The following COX8A variants were observed in gnomAD, a reference collection of about 807,000 sequenced individuals.
COX8A encodes the protein cytochrome c oxidase subunit 8A.
Under a neutral mutation model 4.4 loss-of-function variants are expected in COX8A, and 6 were observed. The ratio of observed to expected loss-of-function variants is 1.36; its 90% CI spans 0.74 to 2.68. The LOEUF is 2.68. Ranked by LOEUF, COX8A falls within the 30% of genes most tolerant of loss-of-function variation. COX8A has a pLI of 0.00. For missense variants in COX8A, 72 were observed against 89.6 expected, an observed-to-expected ratio of 0.80 and a Z score of 0.79; for synonymous variants, 53 against 47.1, an observed-to-expected ratio of 1.12 and a Z score of -0.51.
Position 63,974,784 on chromosome 11 carries a change from T to C in COX8A, c.104T>C (p.Leu35Pro). 1 of 1,604,850 alleles carries C rather than the reference T, an allele frequency of 6.2e-7. No individual in the cohort carries two copies. Among genetic ancestry groups the C allele is most frequent in the Non-Finnish European group, 8.5e-7 (1 of 1,175,556 alleles). Residue 35 changes from leucine (L) to proline (P), a missense_variant, in exon 1 of 2, where the codon CTT becomes CCT. Physicochemically the swap from Leu to Pro is moderately conservative, Grantham distance 98 (BLOSUM62 -3). Transcript: ENST00000314133. ...CATTCGTTGCCGCCGGAGGGGAAGC[T>C]TGGGATCATGGTGAGGAACGGGCCT... ...KIHSLPPEGK[L>P]GIMELAVGLT...
intron 1 of COX8A, 132 bp from the exon 2 acceptor site, chr11:63,976,091 GAT>G (rs1397808526): frequency 2.6e-6 from 2 of 782,496 alleles, no homozygotes; most frequent in African/African-American, 3.4e-5. Context: ...TTAACGTGAG[GAT>G]GCGGGGCCTC....
chr11:63,974,661 G>T lies in COX8A; in HGVS notation c.-20G>T, dbSNP rs779713502. The stretch of plus-strand genomic sequence containing the variant: ...CTTGGGCTACGGCTGACCGTTTTTT[G>T]TGGTGTACTCCGTGCCATCATGTCC... On this transcript the variant is annotated 5_prime_UTR_variant, in exon 1 of 2. Transcript: ENST00000314133. 7.5e-6 allele frequency: 12 copies of T among 1,589,702 alleles called. No individual in the cohort carries two copies. The highest frequency in any genetic ancestry group is 1.0e-5 in the Non-Finnish European group (12 of 1,166,992).
intron 1 of COX8A, among the ~76,000 whole-genome samples, chr11:63,975,540 A>G (rs898811786): frequency 6.6e-6 from 1 of 151,568 alleles, no homozygotes; most frequent in Non-Finnish European, 1.5e-5. Flanking sequence ...CCATGCAAGG[A>G]TCCTGGGTCT....
In COX8A at chr11:63,974,920, G is replaced by T. The variant is rs1942525775; in HGVS notation, c.114+126G>T. 1.2e-5 allele frequency: 11 copies of T among 899,456 alleles called. No individual in the cohort carries two copies. In the South Asian group the frequency reaches 2.0e-4, roughly 16 times the overall value. The allele number at this position is 899,456 out of a possible 1,614,324, so 55.7% of individuals were successfully genotyped here. The stretch of plus-strand genomic sequence containing the variant: ...TAGCGGGGAGCAGCAGTGCCGGTTT[G>T]GGCATGTCTGGAGGGCGCGAACGAC... On this transcript the variant is annotated intron_variant, in intron 1 of 1. Transcript: ENST00000314133.
chr11:63,976,351 C>A lies in COX8A; in HGVS notation c.*31C>A, dbSNP rs765225340. 8 of 1,596,070 alleles carry A rather than the reference C, an allele frequency of 5.0e-6. No homozygotes were observed. In the East Asian group the frequency reaches 1.8e-4, roughly 36 times the overall value. On this transcript the variant is annotated 3_prime_UTR_variant, in exon 2 of 2. Coordinates refer to ENST00000314133, the MANE Select transcript of COX8A (RefSeq NM_004074.3). The stretch of plus-strand genomic sequence containing the variant: ...TCCGTTCTGTCCCTCACACTGTGAC[C>A]TGACCAGCCCCACCGGCCCATCCTG...
In COX8A at chr11:63,976,468, A is replaced by C. The variant is rs1026184221; in HGVS notation, c.*148A>C. On this transcript the variant is annotated 3_prime_UTR_variant, in exon 2 of 2. Transcript: ENST00000314133. ...GCAATCATGACCTCTTGATGTCTCCATGGTGACCTCCTTGGGGGTCACTGA... is the reference window on the plus strand; with the variant it reads ...GCAATCATGACCTCTTGATGTCTCCCTGGTGACCTCCTTGGGGGTCACTGA... The C allele has an allele frequency of 1.4e-6, 1 of 704,718 alleles. No homozygotes were observed. Among genetic ancestry groups the C allele is most frequent in the Non-Finnish European group, 2.4e-6 (1 of 408,390 alleles). 43.7% of individuals were successfully genotyped at this position (704,718 alleles called of 1,614,324 possible). A position where few individuals can be genotyped will look rare whatever the true frequency, so the allele number is the denominator to read the frequency against.
At chr11:63,975,610 C>CG (rs1942533497) in intron 1 of COX8A, among the ~76,000 whole-genome samples, 1 of 150,484 alleles carries the variant, frequency 6.6e-6, no homozygotes, top group African/African-American at 2.4e-5. Flanking sequence ...GAGTCTTGCT[C>CG]TGTCACCCAG....
chr11:63,975,576 T>G (rs1485784509), intron 1 of COX8A, among the ~76,000 whole-genome samples: 2 of 151,284 alleles, frequency 1.3e-5, no homozygotes, highest in Admixed American at 1.3e-4. Flanking sequence ...GCTTTTTTTG[T>G]TTGTTGTTTG....
chr11:63,976,133 G>A, intron 1 of COX8A, 92 bp from the exon 2 acceptor site: 2 of 1,221,536 alleles, frequency 1.6e-6, no homozygotes, highest in Non-Finnish European at 2.4e-6. Context: ...GGCTCCCTGA[G>A]CGGGGCTTTC....
chr11:63,975,016 T>C (rs1209730372), intron 1 of COX8A, among the ~76,000 whole-genome samples: 2 of 152,088 alleles, frequency 1.3e-5, no homozygotes, highest in African/African-American at 4.8e-5. Context: ...GGATCTCGGG[T>C]CTGGTCCTGT....
Position 63,974,768 on chromosome 11 carries a change from C to A in COX8A, c.88C>A (p.Pro30Thr). The change falls in exon 1 of 2, where the codon CCG (proline) becomes ACG (threonine). Residue 30 changes from proline (P) to threonine (T), a missense_variant. Transcript: ENST00000314133. ...PVPRAKIHSLPPEGKLGIMEL... is the reference protein window; with the variant it reads ...PVPRAKIHSLTPEGKLGIMEL... ...GCCGCGCGCCAAGATCCATTCGTTG[C>A]CGCCGGAGGGGAAGCTTGGGATCAT... 1 of 1,607,738 alleles carries A rather than the reference C, an allele frequency of 6.2e-7. No homozygotes were observed. The highest frequency in any genetic ancestry group is 8.5e-7 in the Non-Finnish European group (1 of 1,177,274).
In COX8A at chr11:63,974,647, G is replaced by C; in HGVS notation, c.-34G>C. On this transcript the variant is annotated 5_prime_UTR_variant, in exon 1 of 2. Transcript: ENST00000314133. ...TTTGGCTTCCTGACCTTGGGCTACG[G>C]CTGACCGTTTTTTGTGGTGTACTCC... 1 of 1,570,530 alleles carries C rather than the reference G, an allele frequency of 6.4e-7. No homozygotes were observed. The highest frequency in any genetic ancestry group is 8.7e-7 in the Non-Finnish European group (1 of 1,155,642).
intron 1 of COX8A, among the ~76,000 whole-genome samples, chr11:63,975,331 A>G (rs2134296471): frequency 6.6e-6 from 1 of 151,662 alleles, no homozygotes; most frequent in Non-Finnish European, 1.5e-5. Flanking sequence ...GGCGCGTGCC[A>G]CCATGCCCAA....
intron 1 of COX8A, 90 bp from the exon 2 acceptor site, chr11:63,976,135 G>C (rs1318428689): frequency 2.4e-6 from 3 of 1,242,828 alleles, no homozygotes; most frequent in African/African-American, 3.0e-5. Flanking sequence ...CTCCCTGAGC[G>C]GGGCTTTCTG....
chr11:63,974,837 GA>G, intron 1 of COX8A, 43 bp downstream of exon 1: 1 of 1,503,426 alleles, frequency 6.7e-7, no homozygotes, highest in African/African-American at 1.4e-5. Flanking sequence ...GCCGTGGGCT[GA>G]CCCCTTCTGC....
In COX8A at chr11:63,974,930, G is replaced by A. The variant is rs192681369; in HGVS notation, c.114+136G>A. 5.1e-4 allele frequency: 417 copies of A among 812,098 alleles called. 10 individuals carry two copies. In the Admixed American group the frequency reaches 0.013, roughly 26 times the overall value. 50.3% of individuals were successfully genotyped at this position (812,098 alleles called of 1,614,324 possible). A position where few individuals can be genotyped will look rare whatever the true frequency, so the allele number is the denominator to read the frequency against. The stretch of plus-strand genomic sequence containing the variant: ...CAGCAGTGCCGGTTTGGGCATGTCT[G>A]GAGGGCGCGAACGACGGGGACAGTG... On this transcript the variant is annotated intron_variant, in intron 1 of 1. Transcript: ENST00000314133.
chr11:63,974,860 C>T (rs1450325027), intron 1 of COX8A, 66 bp downstream of exon 1: 24 of 1,387,008 alleles, frequency 1.7e-5, no homozygotes, highest in Non-Finnish European at 2.3e-5. Flanking sequence ...TAGCTGACCT[C>T]AGGTGGTCCT....
chr11:63,974,684 T>A lies in COX8A; in HGVS notation c.4T>A (p.Ser2Thr). The change falls in exon 1 of 2, where the codon TCC (serine) becomes ACC (threonine). Residue 2 changes from serine (S) to threonine (T), a missense_variant. By Grantham distance (58) the Ser-to-Thr change is moderately conservative (BLOSUM62 1). Coordinates refer to ENST00000314133, the MANE Select transcript of COX8A (RefSeq NM_004074.3). ...TTGTGGTGTACTCCGTGCCATCATG[T>A]CCGTCCTGACGCCGCTGCTGCTGCG... The part of the protein sequence containing the change: M[S>T]VLTPLLLRGL... 1.2e-6 allele frequency: 2 copies of A among 1,605,918 alleles called. No homozygotes were observed. The highest frequency in any genetic ancestry group is 2.2e-5 in the South Asian group (2 of 89,696).
At chr11:63,975,054 CGCTGCGCCGCCT>C (rs1237804602) in intron 1 of COX8A, among the ~76,000 whole-genome samples, 1 of 152,184 alleles carries the variant, frequency 6.6e-6, no homozygotes, top group African/African-American at 2.4e-5. Flanking sequence ...GTCGCCTCCT[CGCTGCGCCGCCT>C]CCTGCCGACT....
Sources: allele counts gnomAD v4.1 joint callset (sites outside exome capture counted in the v4.1 genomes callset), GRCh38; gene constraint gnomAD v4.1.1; transcripts MANE v1.5; gene names NCBI Gene and HGNC (gene_info 2026-07-23, HGNC 2026-07-21).